Variants in CHD8 observed in about 807,000 individuals in gnomAD.
The protein encoded by CHD8 is chromodomain helicase DNA binding protein 8, also known as ATP-dependent chromatin remodeler CHD8.
In CHD8, 31 loss-of-function variants were observed where a neutral mutation model predicts 279.2. The observed-to-expected ratio is 0.11, with a 90% CI of 0.08 to 0.15. The LOEUF (loss-of-function observed/expected upper bound fraction) is 0.15. CHD8 is among the 10% of genes least tolerant of loss of function. The pLI, the probability that CHD8 is intolerant of heterozygous loss-of-function variation, is 1.00. For synonymous variants in CHD8, 1,081 were observed against 1,139.6 expected (o/e 0.95, Z 1.04); for missense variants, 2,146 against 3,230.5 (o/e 0.66, Z 8.14).
chr14:21,385,442 CCT>C lies in CHD8; in HGVS notation c.*169_*170del. The C allele has an allele frequency of 9.2e-7, 1 of 1,092,156 alleles. No individual in the cohort carries two copies. 67.7% of individuals were successfully genotyped at this position (1,092,156 alleles called of 1,614,324 possible). ...TTAGGAGTTCCCCTGCCCACCCAATCCTCTCATAATTGGGAGCAATCAGGTAC... is the reference window on the plus strand; with the variant it reads ...TTAGGAGTTCCCCTGCCCACCCAATCCTCATAATTGGGAGCAATCAGGTAC... On this transcript the variant is annotated 3_prime_UTR_variant, in exon 38 of 38. Coordinates refer to ENST00000646647, the MANE Select transcript of CHD8 (RefSeq NM_001170629.2).
rs1356887350 is a variant in CHD8, at chr14:21,400,685, G to A, written c.4371-73C>T. 9 of 1,366,306 alleles carry A rather than the reference G, an allele frequency of 6.6e-6. No individual in the cohort carries two copies. The East Asian group carries it at 2.1e-4, about 33-fold the overall frequency. The allele number at this position is 1,366,306 out of a possible 1,614,324, so 84.6% of individuals were successfully genotyped here. A position where few individuals can be genotyped will look rare whatever the true frequency, so the allele number is the denominator to read the frequency against. On this transcript the variant is annotated intron_variant, in intron 22 of 37. Coordinates refer to ENST00000646647, the MANE Select transcript of CHD8 (RefSeq NM_001170629.2). This position sits in a 1 kb window ranked among gnomAD's most constrained non-coding sequence, Gnocchi z 4.2. ...CCCTGTCCCTCAGAATCATGTCTCT[G>A]AAAAGGTGTGAAACAAAGATCTTAA...
intron 1 of CHD8, among the ~76,000 whole-genome samples, chr14:21,448,692 G>C (rs1042023089): frequency 6.6e-6 from 1 of 151,674 alleles, no homozygotes; most frequent in Non-Finnish European, 1.5e-5. Context: ...GAGTAGCTGG[G>C]ACTACAGGCG....
chr14:21,419,273 G>T (rs1318841166), intron 5 of CHD8, among the ~76,000 whole-genome samples: 1 of 152,052 alleles, frequency 6.6e-6, no homozygotes, highest in Non-Finnish European at 1.5e-5. Flanking sequence ...AATAATCCAG[G>T]GTGGGCCGGG....
chr14:21,405,658 C>G lies in CHD8; in HGVS notation c.3051+63G>C. On this transcript the variant is annotated intron_variant, in intron 15 of 37. Coordinates refer to ENST00000646647, the MANE Select transcript of CHD8 (RefSeq NM_001170629.2). This position sits in a 1 kb window ranked among gnomAD's most constrained non-coding sequence, Gnocchi z 4.2. Reference sequence around the variant, plus strand: ...TTGAGATACCCATGACAACAGATGTCTGCCTTGTACAAACTTCACCTTCTT... The same window carrying G: ...TTGAGATACCCATGACAACAGATGTGTGCCTTGTACAAACTTCACCTTCTT... The G allele has an allele frequency of 6.3e-7, 1 of 1,578,108 alleles. No individual in the cohort carries two copies. The highest frequency in any genetic ancestry group is 1.1e-5 in the South Asian group (1 of 87,762).
intron 1 of CHD8, among the ~76,000 whole-genome samples, chr14:21,434,039 CTTTTTTTTTTTTT>C (rs57822562): frequency 2.6e-5 from 3 of 115,884 alleles, no homozygotes; most frequent in Non-Finnish European, 5.6e-5. Flanking sequence ...GTGAAAGTTT[CTTTTTTTTTTTTT>C]TTTTTTTTCT....
At position 21,386,129 on chromosome 14, in the gene CHD8, A is replaced by T. The variant is rs1312367176; in HGVS notation, c.7230T>A (p.Ile2410=). The change falls in exon 38 of 38, where the codon ATT becomes ATA. Residue 2410 remains isoleucine, a synonymous_variant. Transcript: ENST00000646647. ...TVFNRVLPGP[I]APESSKKRAR... The stretch of plus-strand genomic sequence containing the variant: ...CCCGCTTCTTGCTGCTCTCTGGTGC[A>T]ATAGGCCCTGGCAAAACCCGGTTGA... 1 of 1,553,292 alleles carries T rather than the reference A, an allele frequency of 6.4e-7. No individual in the cohort carries two copies. Among genetic ancestry groups the T allele is most frequent in the Admixed American group, 2.0e-5 (1 of 51,070 alleles).
At chr14:21,442,920 A>T (rs189149574) in intron 1 of CHD8, among the ~76,000 whole-genome samples, 24 of 152,288 alleles carry the variant, frequency 1.6e-4, no homozygotes, top group Admixed American at 2.6e-4. Context: ...GACTGTGAAG[A>T]ACTGGAGAAC....
chr14:21,421,610 G>A (rs962387475), intron 5 of CHD8, among the ~76,000 whole-genome samples: 1 of 151,972 alleles, frequency 6.6e-6, no homozygotes, highest in East Asian at 1.9e-4. Context: ...TTGAAACACC[G>A]ACTTGCCAAA....
Position 21,399,656 on chromosome 14 carries a change from T to C in CHD8, c.4867A>G (p.Thr1623Ala), listed in dbSNP as rs753061978. 6 of 1,613,646 alleles carry C rather than the reference T, an allele frequency of 3.7e-6. No homozygotes were observed. The African/African-American group carries it at 8.0e-5, about 22-fold the overall frequency. Reference sequence around the variant, plus strand: ...TTGTCAGCCTCACTGTCCCACCAAGTTGTTGGAACCTCCAGTTGATCCACT... The same window carrying C: ...TTGTCAGCCTCACTGTCCCACCAAGCTGTTGGAACCTCCAGTTGATCCACT... Reference protein sequence around the residue: ...PVVDQLEVPTTWWDSEADKSL... With the variant: ...PVVDQLEVPTAWWDSEADKSL... Residue 1623 changes from threonine (T) to alanine (A), a missense_variant, in exon 26 of 38, where the codon ACT (threonine) becomes GCT (alanine). Physicochemically the swap from Thr to Ala is moderately conservative, Grantham distance 58 (BLOSUM62 0). Coordinates refer to ENST00000646647, the MANE Select transcript of CHD8 (RefSeq NM_001170629.2).
At chr14:21,404,398 T>TAAAAAA (rs974957250) in intron 16 of CHD8, among the ~76,000 whole-genome samples, 1 of 98,672 alleles carries the variant, frequency 1.0e-5, no homozygotes, top group Non-Finnish European at 2.1e-5. Flanking sequence ...AACTCCATCT[T>TAAAAAA]AAAAAAAAAA....
chr14:21,412,145 T>C (rs967266709), intron 10 of CHD8, among the ~76,000 whole-genome samples: 1 of 151,672 alleles, frequency 6.6e-6, no homozygotes, highest in Non-Finnish European at 1.5e-5. Context: ...ATCTGCTTTT[T>C]TGTTTGTTTG....
At position 21,415,659 on chromosome 14, in the gene CHD8, A is replaced by T; in HGVS notation, c.1900-17T>A. On this transcript the variant is annotated splice_polypyrimidine_tract_variant and intron_variant, in intron 6 of 37. Coordinates refer to ENST00000646647, the MANE Select transcript of CHD8 (RefSeq NM_001170629.2). ...GGGATTCTCCTGCAGCAAAAGATGC[A>T]GTCAGTCAACAGATGATTGTGACCA... 1 of 1,611,188 alleles carries T rather than the reference A, an allele frequency of 6.2e-7. No individual in the cohort carries two copies. Among genetic ancestry groups the T allele is most frequent in the South Asian group, 1.1e-5 (1 of 90,452 alleles).
chr14:21,419,454 G>A (rs1888911279), intron 5 of CHD8, among the ~76,000 whole-genome samples: 1 of 152,142 alleles, frequency 6.6e-6, no homozygotes, highest in Non-Finnish European at 1.5e-5. Flanking sequence ...CAGCTACTCC[G>A]GAGGCTGAGG....
intron 5 of CHD8, among the ~76,000 whole-genome samples, chr14:21,418,416 A>C (rs1888843162): frequency 6.6e-6 from 1 of 152,122 alleles, no homozygotes; most frequent in African/African-American, 2.4e-5. Context: ...GCTACTAGGG[A>C]GGCTGAGGCA....
Position 21,400,573 on chromosome 14 carries a change from G to A in CHD8, c.4410C>T (p.Phe1470=), listed in dbSNP as rs373148846. Residue 1470 remains phenylalanine (F), a synonymous_variant, in exon 23 of 38, where the codon TTC becomes TTT. Transcript: ENST00000646647. The surrounding 1 kb of genome is among the most constrained non-coding windows in gnomAD (Gnocchi z 4.2). ...RWRDILSHGR[F]KRRMTERDVE... is the part of the protein sequence containing the mutation. Reference sequence around the variant, plus strand: ...CATCTCGTTCAGTCATACGTCGCTTGAAGCGTCCATGAGATAAAATATCTC... The same window carrying A: ...CATCTCGTTCAGTCATACGTCGCTTAAAGCGTCCATGAGATAAAATATCTC... 1.4e-4 allele frequency: 224 copies of A among 1,598,560 alleles called. No individual in the cohort carries two copies. Among genetic ancestry groups the A allele is most frequent in the Non-Finnish European group, 1.8e-4 (214 of 1,176,306 alleles).
Position 21,402,295 on chromosome 14 carries a change from A to C in CHD8, c.3882+41T>G, listed in dbSNP as rs554676888. Reference sequence around the variant, plus strand: ...ATAGCTTTTGTTTCCCTCTATCACAATGATCTACTACAAACTTATCTATAA... The same window carrying C: ...ATAGCTTTTGTTTCCCTCTATCACACTGATCTACTACAAACTTATCTATAA... On this transcript the variant is annotated intron_variant, in intron 19 of 37. Transcript: ENST00000646647. This position sits in a 1 kb window ranked among gnomAD's most constrained non-coding sequence, Gnocchi z 4.5. The C allele has an allele frequency of 1.9e-6, 3 of 1,606,248 alleles. No homozygotes were observed. In the East Asian group the frequency reaches 6.7e-5, roughly 36 times the overall value.
chr14:21,426,851 C>T (rs956143632), intron 4 of CHD8: 2 of 152,324 alleles, frequency 1.3e-5, no homozygotes, highest in African/African-American at 4.8e-5. Context: ...CTGCTTAAAG[C>T]TAATGGTAGA....
Position 21,393,603 on chromosome 14 carries a change from C to T in CHD8, c.6192G>A (p.Glu2064=), listed in dbSNP as rs758107560. 1.9e-6 allele frequency: 3 copies of T among 1,613,766 alleles called. No homozygotes were observed. Among genetic ancestry groups the T allele is most frequent in the Non-Finnish European group, 2.5e-6 (3 of 1,179,888 alleles). Residue 2064 remains glutamate (E), a synonymous_variant, in exon 32 of 38, where the codon GAG becomes GAA. Transcript: ENST00000646647. ...GCTCAGAGTCCGAATCATCCTCATCCTCCAGTTTGACTGGTGGAACACTCC... is the reference window on the plus strand; with the variant it reads ...GCTCAGAGTCCGAATCATCCTCATCTTCCAGTTTGACTGGTGGAACACTCC... ...VSRSVPPVKL[E]DEDDSDSELD... is the part of the protein sequence containing the mutation.
Position 21,427,560 on chromosome 14 carries a change from T to A in CHD8, c.1601+309A>T, listed in dbSNP as rs578045713. ...AATAGCAAGGAGCACTCACTTGAGC[T>A]TACTCTTGCACGTCCCATCACAGTA... is the stretch of plus-strand genomic sequence containing the variant. On this transcript the variant is annotated intron_variant, in intron 4 of 37. Coordinates refer to ENST00000646647, the MANE Select transcript of CHD8 (RefSeq NM_001170629.2). 14 of 1,339,282 alleles carry A rather than the reference T, an allele frequency of 1.0e-5. No individual in the cohort carries two copies. In the East Asian group the frequency reaches 4.1e-4, roughly 39 times the overall value. 83.0% of individuals were successfully genotyped at this position (1,339,282 alleles called of 1,614,324 possible).
Sources: allele counts gnomAD v4.1 joint callset (sites outside exome capture counted in the v4.1 genomes callset), GRCh38; gene constraint gnomAD v4.1.1; non-coding constraint Gnocchi (gnomAD v3.1); transcripts MANE v1.5; gene names NCBI Gene and HGNC (gene_info 2026-07-23, HGNC 2026-07-21).